The following ADAM10 variants were observed in gnomAD, a reference collection of about 807,000 sequenced individuals.
ADAM10 encodes disintegrin and metalloproteinase domain-containing protein 10.
A neutral mutation model predicts 90.1 loss-of-function variants in ADAM10; 17 were observed. That is an observed-to-expected ratio of 0.19 (90% CI 0.13 to 0.28). The LOEUF (loss-of-function observed/expected upper bound fraction) is 0.28. ADAM10 is among the 10% of genes least tolerant of loss of function. ADAM10 has a pLI of 1.00. For missense variants in ADAM10, 610 were observed against 914.3 expected (o/e 0.67, Z 4.29); for synonymous variants, 310 against 298.6 (o/e 1.04, Z -0.40).
At chr15:58,679,843 G>C (rs1897381937) in intron 3 of ADAM10, among the ~76,000 whole-genome samples, 1 of 152,138 alleles carries the variant, frequency 6.6e-6, no homozygotes. Context: ...TGGAGGCGGA[G>C]GTTGCTGTGA....
At chr15:58,696,923 C>A (rs891055164) in intron 2 of ADAM10, among the ~76,000 whole-genome samples, 1 of 152,150 alleles carries the variant, frequency 6.6e-6, no homozygotes, top group African/African-American at 2.4e-5. Context: ...AAGGCTGTAC[C>A]CTGCCCTGGG....
intron 10 of ADAM10, among the ~76,000 whole-genome samples, chr15:58,622,537 A>G (rs908822018): frequency 6.6e-6 from 1 of 152,182 alleles, no homozygotes; most frequent in Non-Finnish European, 1.5e-5. Flanking sequence ...GCTGATTGTA[A>G]TACAATCAGT....
chr15:58,693,234 G>T, intron 2 of ADAM10: 1 of 602,000 alleles, frequency 1.7e-6, no homozygotes, highest in South Asian at 1.6e-5. Flanking sequence ...TAGAGAGCAA[G>T]GTGGGCTGAG....
rs528579787 is a variant in ADAM10, at chr15:58,689,706, T to C, written c.207-7392A>G. Among the ~76,000 whole-genome samples the C allele has an allele frequency of 2.6e-5, 4 of 152,164 alleles. No homozygotes were observed. The South Asian group carries it at 8.3e-4, about 32-fold the overall frequency. ...CATAATGAAAATAAATTCAATTACT[T>C]AGATAAAATAAACTCCTTAAAAGGT... On this transcript the variant is annotated intron_variant, in intron 2 of 15. Coordinates refer to ENST00000260408, the MANE Select transcript of ADAM10 (RefSeq NM_001110.4).
intron 1 of ADAM10, among the ~76,000 whole-genome samples, chr15:58,738,273 T>C (rs1899495519): frequency 6.6e-6 from 1 of 152,196 alleles, no homozygotes; most frequent in South Asian, 2.1e-4. Context: ...TTCCTTTATT[T>C]GATAATACAT....
intron 2 of ADAM10, among the ~76,000 whole-genome samples, chr15:58,688,786 A>ATATATATATC: frequency 2.4e-4 from 29 of 122,394 alleles, no homozygotes; most frequent in African/African-American, 9.4e-4. Context: ...ATATATATAT[A>ATATATATATC]TCTCTCTCTC....
intron 5 of ADAM10, among the ~76,000 whole-genome samples, chr15:58,661,878 T>G (rs1476195582): frequency 6.6e-6 from 1 of 152,188 alleles, no homozygotes; most frequent in African/African-American, 2.4e-5. Flanking sequence ...TCCACTAAAT[T>G]TTTTACCTCA....
In ADAM10 at chr15:58,647,248, A is replaced by ATTTCTTTTTTTTT. The variant is rs1162350060; in HGVS notation, c.586-1045_586-1044insAAAAAAAAAGAAA. Among the ~76,000 whole-genome samples the ATTTCTTTTTTTTT allele has an allele frequency of 2.7e-4, 16 of 59,602 alleles. 1 individual carries two copies. The highest frequency in any genetic ancestry group is 7.5e-4 in the African/African-American group (14 of 18,646). 39.1% of individuals were successfully genotyped at this position (59,602 alleles called of 152,430 possible). On this transcript the variant is annotated intron_variant, in intron 5 of 15. Transcript: ENST00000260408. Reference sequence around the variant, plus strand: ...TGGCAGCAAAGAGTAGACACTAAGTATTTTTTTTTTTTTTTTTTTTTTTTT... The same window carrying ATTTCTTTTTTTTT: ...TGGCAGCAAAGAGTAGACACTAAGTATTTCTTTTTTTTTTTTTTTTTTTTTTTTTTTTTTTTTT...
chr15:58,692,467 TTTTC>T (rs766349518), intron 2 of ADAM10: 9 of 526,028 alleles, frequency 1.7e-5, no homozygotes, highest in South Asian at 8.8e-5. Context: ...AGTCTTGGGC[TTTTC>T]TTTATCATCT....
At position 58,599,703 on chromosome 15, in the gene ADAM10, G is replaced by T; in HGVS notation, c.2047C>A (p.Leu683Ile). The T allele has an allele frequency of 1.9e-6, 3 of 1,611,392 alleles. No homozygotes were observed. The highest frequency in any genetic ancestry group is 2.5e-6 in the Non-Finnish European group (3 of 1,179,004). The change falls in exon 15 of 16, where the codon CTT becomes ATT. Residue 683 changes from leucine to isoleucine, a missense_variant. Around this residue, in one of 4 missense-constraint regions of ADAM10, gnomAD observed 150 missense variants for 268.5 expected, o/e 0.56. Transcript: ENST00000260408. ...WIVAHWWAVL[L>I]MGIALIMLMA... is the part of the protein sequence containing the mutation. ...AGCATGATCAGAGCAATTCCCATAA[G>T]TAATACTGCCCACCAATGAGCCTAG...
In ADAM10 at chr15:58,614,435, A is replaced by G. The variant is rs189793588; in HGVS notation, c.1512-2444T>C. ...ATTCTAAAAAAAACAGCAAGAGGAA[A>G]GTATCAAGTCACATATAAGGGAGCA... On this transcript the variant is annotated intron_variant, in intron 11 of 15. Transcript: ENST00000260408. 8.6e-4 allele frequency among the ~76,000 whole-genome samples: 131 copies of G among 152,352 alleles called. 1 individual carries two copies. The highest frequency in any genetic ancestry group is 3.0e-3 in the African/African-American group (126 of 41,584).
intron 1 of ADAM10, among the ~76,000 whole-genome samples, chr15:58,738,774 T>C (rs928073162): frequency 3.3e-5 from 5 of 152,262 alleles, no homozygotes; most frequent in Admixed American, 6.5e-5. Context: ...GTACGTAAGA[T>C]TTCTATGCTG....
At chr15:58,673,987 C>T (rs1195756767) in intron 4 of ADAM10, among the ~76,000 whole-genome samples, 1 of 151,364 alleles carries the variant, frequency 6.6e-6, no homozygotes, top group Non-Finnish European at 1.5e-5. Context: ...CCTGCCTCAG[C>T]CTCCCAAAGT....
At chr15:58,698,074 C>A (rs1898025077) in intron 2 of ADAM10, among the ~76,000 whole-genome samples, 1 of 152,118 alleles carries the variant, frequency 6.6e-6, no homozygotes, top group African/African-American at 2.4e-5. Flanking sequence ...GACTGTTATA[C>A]CATATGCGCA....
At chr15:58,681,897 T>C (rs1344781630) in intron 3 of ADAM10, among the ~76,000 whole-genome samples, 1 of 152,168 alleles carries the variant, frequency 6.6e-6, no homozygotes, top group Non-Finnish European at 1.5e-5. Context: ...ATTTCTTACT[T>C]GGAAAATCAG....
intron 7 of ADAM10, among the ~76,000 whole-genome samples, chr15:58,642,587 A>G (rs775906969): frequency 5.9e-5 from 9 of 152,216 alleles, no homozygotes; most frequent in African/African-American, 2.2e-4. Context: ...AAACTTTACT[A>G]AAGTTTTAAT....
chr15:58,713,829 T>C (rs1343367285), intron 2 of ADAM10, among the ~76,000 whole-genome samples: 3 of 151,976 alleles, frequency 2.0e-5, no homozygotes, highest in Non-Finnish European at 4.4e-5. Flanking sequence ...TTTTTTTTTT[T>C]CTGAGATGAA....
At chr15:58,597,726 A>C (rs1208090977) in intron 15 of ADAM10, 85 bp from the exon 16 acceptor site, 1 of 1,497,526 alleles carries the variant, frequency 6.7e-7, no homozygotes, top group African/African-American at 1.4e-5. Context: ...TTCAATAAGA[A>C]AGGTTTTAGT....
intron 5 of ADAM10, chr15:58,655,199 T>G (rs1896778598): frequency 6.6e-6 from 1 of 152,212 alleles, no homozygotes; most frequent in African/African-American, 2.4e-5. Context: ...CATATACGTA[T>G]TAGGCCATTT....
Sources: allele counts gnomAD v4.1 joint callset (sites outside exome capture counted in the v4.1 genomes callset), GRCh38; gene constraint gnomAD v4.1.1; regional missense constraint gnomAD v4.1.1; transcripts MANE v1.5; gene names NCBI Gene and HGNC (gene_info 2026-07-23, HGNC 2026-07-21).